NAA11: variants seen among roughly 807,000 people sequenced by gnomAD.
NAA11 encodes N-alpha-acetyltransferase 11.
NAA11 carries 15 observed loss-of-function variants against 16.1 expected under a neutral mutation model. That is an observed-to-expected ratio of 0.93 (90% confidence interval 0.62 to 1.44). The LOEUF is 1.44. Ranked by LOEUF, NAA11 falls within the 40% of genes most tolerant of loss-of-function variation. The probability of loss-of-function intolerance (pLI) is 0.00; values close to 1 mark genes in which losing one functional copy is unlikely to be tolerated. For synonymous variants in NAA11, 122 were observed against 112.4 expected, an observed-to-expected ratio of 1.09 and a Z score of -0.54; for missense variants, 298 against 291.3, an observed-to-expected ratio of 1.02 and a Z score of -0.17.
chr4:79,313,498 T>C (rs1723841173), downstream of NAA11, among the ~76,000 whole-genome samples: 1 of 152,192 alleles, frequency 6.6e-6, no homozygotes, highest in Non-Finnish European at 1.5e-5. Context: ...GCCTGTGAAA[T>C]GCAGTTGAGG....
the NAA11 span, among the ~76,000 whole-genome samples, chr4:79,193,512 A>G: frequency 1.3e-5 from 2 of 151,966 alleles, no homozygotes; most frequent in East Asian, 1.9e-4. Flanking sequence ...TTTTTGTCAG[A>G]TTTGTCAAAG....
At chr4:79,197,577 C>T in the NAA11 span, 3 of 152,028 alleles carry the variant, frequency 2.0e-5, no homozygotes, top group African/African-American at 7.2e-5. Context: ...TTCTCCTTGT[C>T]ATCTGCTCCC....
chr4:79,241,546 T>A (rs1255714498), intron 2 of NAA11, among the ~76,000 whole-genome samples: 1 of 152,240 alleles, frequency 6.6e-6, no homozygotes, highest in Non-Finnish European at 1.5e-5. Context: ...TTTGCATATA[T>A]TAACTTTCTT....
intron 2 of NAA11, among the ~76,000 whole-genome samples, chr4:79,251,208 AAC>A (rs948284479): frequency 7.9e-5 from 12 of 152,244 alleles, no homozygotes; most frequent in African/African-American, 2.7e-4. Flanking sequence ...AACAATAGGA[AAC>A]ACATGAAATC....
chr4:79,188,634 ATAACT>A, the NAA11 span, among the ~76,000 whole-genome samples: 10,592 of 152,134 alleles, frequency 0.07, 1,074 homozygotes, highest in African/African-American at 0.23. Context: ...AAACATAGTC[ATAACT>A]TAATGGTGAC....
the NAA11 span, among the ~76,000 whole-genome samples, chr4:79,167,264 T>TAGAGAGAG: frequency 2.5e-5 from 3 of 120,266 alleles, no homozygotes; most frequent in African/African-American, 3.5e-5. Context: ...CATATATATA[T>TAGAGAGAG]ATATATAGAG....
chr4:79,221,266 G>T (rs1721182833), downstream of NAA11, among the ~76,000 whole-genome samples: 1 of 151,996 alleles, frequency 6.6e-6, no homozygotes. Context: ...AGCTTAAGGA[G>T]ATTTGGGGCT....
At chr4:79,274,764 A>G (rs1722607644) in intron 2 of NAA11, among the ~76,000 whole-genome samples, 1 of 152,032 alleles carries the variant, frequency 6.6e-6, no homozygotes, top group African/African-American at 2.4e-5. Flanking sequence ...TTGAACACAT[A>G]CTGTGTGTTT....
chr4:79,205,260 G>A, the NAA11 span, among the ~76,000 whole-genome samples: 1 of 151,968 alleles, frequency 6.6e-6, no homozygotes, highest in Non-Finnish European at 1.5e-5. Flanking sequence ...TTCCATAGAG[G>A]TTGTACTAAT....
At chr4:79,167,842 T>A in the NAA11 span, among the ~76,000 whole-genome samples, 1 of 152,092 alleles carries the variant, frequency 6.6e-6, no homozygotes, top group African/African-American at 2.4e-5. Context: ...GGGGAAGTGC[T>A]ACACACTTTT....
At chr4:79,205,461 G>T in the NAA11 span, among the ~76,000 whole-genome samples, 2 of 151,742 alleles carry the variant, frequency 1.3e-5, no homozygotes, top group Non-Finnish European at 2.9e-5. Flanking sequence ...GGATTATTTG[G>T]TTTTTTAAAT....
chr4:79,209,017 A>G, the NAA11 span, among the ~76,000 whole-genome samples: 3 of 149,472 alleles, frequency 2.0e-5, no homozygotes, highest in African/African-American at 7.3e-5. Flanking sequence ...TTTTTCTAAT[A>G]ATAATGTATT....
chr4:79,286,652 T>C (rs17003706), intron 2 of NAA11, among the ~76,000 whole-genome samples: 6,933 of 152,130 alleles, frequency 0.046, 547 homozygotes, highest in African/African-American at 0.15. Flanking sequence ...TCTTTTCGAG[T>C]ATAATAATCA....
chr4:79,202,029 A>G, the NAA11 span, among the ~76,000 whole-genome samples: 2 of 151,642 alleles, frequency 1.3e-5, no homozygotes, highest in African/African-American at 2.4e-5. Flanking sequence ...TTAAACATTT[A>G]TCATTTACTT....
chr4:79,237,852 A>G (rs1168453991), intron 2 of NAA11, among the ~76,000 whole-genome samples: 1 of 152,216 alleles, frequency 6.6e-6, no homozygotes, highest in Non-Finnish European at 1.5e-5. Context: ...AATTTGTATT[A>G]TTCATTATAT....
intron 2 of NAA11, among the ~76,000 whole-genome samples, chr4:79,226,513 T>G (rs1034493166): frequency 6.6e-6 from 1 of 152,004 alleles, no homozygotes; most frequent in South Asian, 2.1e-4. Flanking sequence ...CGTGCCATGT[T>G]GGTGTGCTGC....
At chr4:79,167,934 C>T in the NAA11 span, among the ~76,000 whole-genome samples, 1 of 151,974 alleles carries the variant, frequency 6.6e-6, no homozygotes, top group Non-Finnish European at 1.5e-5. Context: ...AGGTTTGTTA[C>T]ATAGGTGCAC....
chr4:79,225,163 T>C (rs149507870), downstream of NAA11, among the ~76,000 whole-genome samples: 1 of 152,130 alleles, frequency 6.6e-6, no homozygotes, highest in Admixed American at 6.6e-5. Flanking sequence ...ATGTAAGATA[T>C]TAAAAATAGG....
chr4:79,265,683 T>C (rs950424683), intron 2 of NAA11, among the ~76,000 whole-genome samples: 6 of 152,170 alleles, frequency 3.9e-5, no homozygotes, highest in African/African-American at 1.4e-4. Context: ...TTTCAATTTA[T>C]GAGAAAGAGG....
Sources: gnomAD v4.1 joint callset for allele counts (sites outside exome capture counted in the v4.1 genomes callset) on GRCh38, gnomAD v4.1.1 for gene constraint, MANE v1.5 for transcripts, NCBI Gene and HGNC (gene_info 2026-07-23, HGNC 2026-07-21) for gene names.